The following CTNNA2 variants were observed in gnomAD, a reference collection of about 807,000 sequenced individuals.
CTNNA2 encodes the protein catenin alpha-2.
CTNNA2 carries 42 observed loss-of-function variants against 101.0 expected under a neutral mutation model. The observed-to-expected ratio is 0.42, with a 90% confidence interval of 0.32 to 0.54. CTNNA2 has a LOEUF of 0.54. Ranked by LOEUF, CTNNA2 falls within the 20% of genes least tolerant of loss-of-function variation. The pLI, the probability that CTNNA2 is intolerant of heterozygous loss-of-function variation, is 0.14. For missense variants in CTNNA2, 871 were observed against 1,223.1 expected, an observed-to-expected ratio of 0.71 and a Z score of 4.29; for synonymous variants, 450 against 456.4, an observed-to-expected ratio of 0.99 and a Z score of 0.18.
At chr2:79,631,587 T>A (rs1573522322) in intron 1 of CTNNA2, among the ~76,000 whole-genome samples, 1 of 152,126 alleles carries the variant, frequency 6.6e-6, no homozygotes, top group Admixed American at 6.5e-5. Flanking sequence ...TTTTAGGTGG[T>A]TTTGTTCTAC....
At chr2:79,702,604 A>G (rs931634992) in intron 2 of CTNNA2, among the ~76,000 whole-genome samples, 3 of 152,190 alleles carry the variant, frequency 2.0e-5, no homozygotes, top group African/African-American at 7.2e-5. Flanking sequence ...AAGTGCCTTC[A>G]TATTTCTTAG....
intron 1 of CTNNA2, among the ~76,000 whole-genome samples, chr2:79,606,743 G>A (rs890987999): frequency 2.0e-5 from 3 of 152,116 alleles, no homozygotes; most frequent in East Asian, 1.9e-4. Context: ...GTGTGATAAG[G>A]TTAAAAACAT....
intron 7 of CTNNA2, among the ~76,000 whole-genome samples, chr2:80,018,633 T>C (rs6759378): frequency 0.14 from 21,347 of 151,932 alleles, 1,919 homozygotes; most frequent in South Asian, 0.32. Flanking sequence ...TACAAAAAAT[T>C]AGCCGGGCGT....
chr2:79,421,944 G>A (rs1265185392), intron 4 of CTNNA2, among the ~76,000 whole-genome samples: 1 of 152,124 alleles, frequency 6.6e-6, no homozygotes, highest in Non-Finnish European at 1.5e-5. Context: ...GTTAAACAAT[G>A]AAGCTTGAGA....
intron 7 of CTNNA2, among the ~76,000 whole-genome samples, chr2:79,923,265 C>A (rs1574321581): frequency 6.6e-6 from 1 of 152,106 alleles, no homozygotes; most frequent in African/African-American, 2.4e-5. Flanking sequence ...GAGGCAACAA[C>A]CATAGCAGCC....
chr2:80,302,089 C>T lies in CTNNA2; in HGVS notation c.1057-91122C>T. 1.0e-6 allele frequency: 1 copy of T among 962,828 alleles called. No homozygotes were observed. The highest frequency in any genetic ancestry group is 1.5e-6 in the Non-Finnish European group (1 of 676,540). The allele number at this position is 962,828 out of a possible 1,614,324, so 59.6% of individuals were successfully genotyped here. A position where few individuals can be genotyped will look rare whatever the true frequency, so the allele number is the denominator to read the frequency against. On this transcript the variant is annotated intron_variant, in intron 7 of 18. Coordinates refer to ENST00000402739, the MANE Select transcript of CTNNA2 (RefSeq NM_001282597.3). The surrounding 1 kb of genome is among the most constrained non-coding windows in gnomAD (Gnocchi z 6.4). ...TTAATTCGCTTTTGTTTTTAAGACA[C>T]AATAAAGCTAAAATGTCAAGTCTCT...
chr2:79,581,887 T>C (rs1057299239), intron 1 of CTNNA2, among the ~76,000 whole-genome samples: 1 of 152,238 alleles, frequency 6.6e-6, no homozygotes, highest in African/African-American at 2.4e-5. Flanking sequence ...CATTCTGTTA[T>C]GATTTGGGGA....
intron 7 of CTNNA2, among the ~76,000 whole-genome samples, chr2:80,016,200 A>T (rs1345422408): frequency 6.6e-6 from 1 of 152,268 alleles, no homozygotes; most frequent in Non-Finnish European, 1.5e-5. Flanking sequence ...GCATTCATTT[A>T]TTCATTATTA....
intron 3 of CTNNA2, among the ~76,000 whole-genome samples, chr2:79,327,864 A>C (rs1201725501): frequency 6.6e-6 from 1 of 152,204 alleles, no homozygotes; most frequent in Non-Finnish European, 1.5e-5. Flanking sequence ...TGATTGGCAC[A>C]GTGTCTAGCC....
chr2:80,603,490 T>C (rs1322497585), intron 15 of CTNNA2: 1 of 152,090 alleles, frequency 6.6e-6, no homozygotes, highest in Non-Finnish European at 1.5e-5. Context: ...CCCAGTTATG[T>C]GCAAGAGATA....
At chr2:79,344,004 A>G (rs1677199286) in intron 3 of CTNNA2, among the ~76,000 whole-genome samples, 1 of 152,148 alleles carries the variant, frequency 6.6e-6, no homozygotes, top group Non-Finnish European at 1.5e-5. Context: ...GCCACACCCC[A>G]GTCTATGACC....
intron 9 of CTNNA2, among the ~76,000 whole-genome samples, chr2:80,461,247 A>G (rs934986544): frequency 6.6e-6 from 1 of 152,130 alleles, no homozygotes; most frequent in Non-Finnish European, 1.5e-5. Flanking sequence ...TGTCTGATGA[A>G]GTTCCTTATC....
intron 2 of CTNNA2, among the ~76,000 whole-genome samples, chr2:79,738,343 G>A (rs58723824): frequency 0.032 from 4,831 of 152,252 alleles, 233 homozygotes; most frequent in African/African-American, 0.1. Flanking sequence ...TATTTGGGGT[G>A]GGGCTAGAGC....
intron 2 of CTNNA2, among the ~76,000 whole-genome samples, chr2:79,696,307 A>G (rs894334960): frequency 6.6e-6 from 1 of 152,040 alleles, no homozygotes; most frequent in Non-Finnish European, 1.5e-5. Flanking sequence ...TTGTTGTGCC[A>G]CAATGCTTTT....
intron 9 of CTNNA2, among the ~76,000 whole-genome samples, chr2:80,424,450 G>GT (rs1163753358): frequency 6.6e-6 from 1 of 152,174 alleles, no homozygotes; most frequent in Non-Finnish European, 1.5e-5. Context: ...TTGTGATTGT[G>GT]TTTTTTGATA....
intron 2 of CTNNA2, among the ~76,000 whole-genome samples, chr2:79,285,210 G>A (rs1268174159): frequency 6.6e-6 from 1 of 150,982 alleles, no homozygotes; most frequent in Non-Finnish European, 1.5e-5. Flanking sequence ...ACCAGCTCCT[G>A]GATTCATTAA....
intron 7 of CTNNA2, among the ~76,000 whole-genome samples, chr2:79,945,734 T>C (rs1449127049): frequency 6.6e-6 from 1 of 152,188 alleles, no homozygotes; most frequent in Non-Finnish European, 1.5e-5. Flanking sequence ...ACAAGCCATA[T>C]CCTCTGAGAT....
At chr2:79,563,854 A>G (rs956757764) in intron 1 of CTNNA2, among the ~76,000 whole-genome samples, 8 of 152,188 alleles carry the variant, frequency 5.3e-5, no homozygotes, top group African/African-American at 1.9e-4. Flanking sequence ...CAAAGTCATT[A>G]TAACAAATGC....
intron 7 of CTNNA2, chr2:80,299,335 A>G (rs1401175001): frequency 6.6e-6 from 1 of 152,162 alleles, no homozygotes; most frequent in Non-Finnish European, 1.5e-5. Context: ...AGTTAAAACT[A>G]CCACTTTCCC....
Sources: gnomAD v4.1 joint callset for allele counts (sites outside exome capture counted in the v4.1 genomes callset) on GRCh38, gnomAD v4.1.1 for gene constraint, Gnocchi (gnomAD v3.1) non-coding constraint, MANE v1.5 for transcripts, NCBI Gene and HGNC (gene_info 2026-07-23, HGNC 2026-07-21) for gene names.